The following NR6A1 variants were observed in gnomAD, a reference collection of about 807,000 sequenced individuals.
NR6A1 encodes the protein retinoic acid receptor-related testis-associated receptor.
In NR6A1, 7 loss-of-function variants were observed where a neutral mutation model predicts 59.1. That is an observed-to-expected ratio of 0.12 (90% CI 0.07 to 0.22). The LOEUF (loss-of-function observed/expected upper bound fraction) is 0.22, where lower values mean the gene tolerates loss of function less well. Among genes scored for constraint, NR6A1 ranks in the 10% least tolerant of loss-of-function variants. The pLI is 1.00. For missense variants in NR6A1, 468 were observed against 611.6 expected (o/e 0.77, Z 2.48); for synonymous variants, 243 against 236.1 (o/e 1.03, Z -0.27).
chr9:124,722,203 A>C (rs1839584008), intron 2 of NR6A1, among the ~76,000 whole-genome samples: 1 of 152,216 alleles, frequency 6.6e-6, no homozygotes, highest in African/African-American at 2.4e-5. Context: ...AGTATTACCA[A>C]GTCAAACTTA....
intron 2 of NR6A1, among the ~76,000 whole-genome samples, chr9:124,666,630 TA>T (rs1443024807): frequency 4.6e-5 from 7 of 152,214 alleles, no homozygotes; most frequent in African/African-American, 1.7e-4. Flanking sequence ...TTTCTCTGTA[TA>T]ATCCTCTATT....
rs1307472654 is a variant in NR6A1 at position 124,518,968 on chromosome 9, C to T, written c.*3737G>A. 1.3e-5 allele frequency: 2 copies of T among 152,178 alleles called. No homozygotes were observed. Among genetic ancestry groups the T allele is most frequent in the Non-Finnish European group, 2.9e-5 (2 of 68,040 alleles). The allele number at this position is 152,178 out of a possible 1,614,324, so 9.4% of individuals were successfully genotyped here. A position where few individuals can be genotyped will look rare whatever the true frequency, so the allele number is the denominator to read the frequency against. On this transcript the variant is annotated 3_prime_UTR_variant, in exon 10 of 10. Transcript: ENST00000487099. ...GCCAGGGTTCCCTTAATTCGACCAA[C>T]CTTGGACATGGCTTAGATGCTGCCC...
chr9:124,710,960 G>A (rs1839261975), intron 2 of NR6A1, among the ~76,000 whole-genome samples: 1 of 151,892 alleles, frequency 6.6e-6, no homozygotes, highest in Non-Finnish European at 1.5e-5. Context: ...TATAATGATA[G>A]GTATTACATT....
rs771689419 is a variant in NR6A1 at position 124,733,350 on chromosome 9, C to T, written c.101-1G>A. ...TCTGCCAATTCATCCTGACAGAAAC[C>T]TAAAGAGAAAACAATAGGAAAAAAA... On this transcript the variant is annotated splice_acceptor_variant, in intron 1 of 9. Coordinates refer to ENST00000487099, the MANE Select transcript of NR6A1 (RefSeq NM_033334.4). LOFTEE classifies it high-confidence loss of function. 57 of 1,611,816 alleles carry T rather than the reference C, an allele frequency of 3.5e-5. No individual in the cohort carries two copies. Among genetic ancestry groups the T allele is most frequent in the Non-Finnish European group, 4.4e-5 (52 of 1,178,318 alleles).
At chr9:124,753,011 A>T (rs1840548528) in intron 1 of NR6A1, among the ~76,000 whole-genome samples, 1 of 152,178 alleles carries the variant, frequency 6.6e-6, no homozygotes, top group Non-Finnish European at 1.5e-5. Flanking sequence ...TCAACTTCGA[A>T]CAAATTTCCT....
At chr9:124,529,308 A>G (rs1588639170) in intron 7 of NR6A1, among the ~76,000 whole-genome samples, 2 of 152,336 alleles carry the variant, frequency 1.3e-5, no homozygotes, top group African/African-American at 4.8e-5. Flanking sequence ...AAATTCACAG[A>G]ATGGATACAA....
chr9:124,715,090 C>T (rs1224942818), intron 2 of NR6A1, among the ~76,000 whole-genome samples: 2 of 151,614 alleles, frequency 1.3e-5, no homozygotes, highest in African/African-American at 2.4e-5. Flanking sequence ...CCCAGCTACT[C>T]GGGAGGCTGA....
intron 6 of NR6A1, among the ~76,000 whole-genome samples, chr9:124,536,737 C>T (rs1448238971): frequency 6.6e-6 from 1 of 152,014 alleles, no homozygotes; most frequent in Admixed American, 6.6e-5. Context: ...TCTAATGTTC[C>T]ATGTCTTAGA....
At chr9:124,611,819 AG>A (rs772680670) in intron 2 of NR6A1, among the ~76,000 whole-genome samples, 4 of 113,224 alleles carry the variant, frequency 3.5e-5, no homozygotes, top group Non-Finnish European at 7.7e-5. Flanking sequence ...CATTCAGAGC[AG>A]GTCAACACTG....
chr9:124,758,725 A>AGGC (rs1840706573), intron 1 of NR6A1, among the ~76,000 whole-genome samples: 1 of 152,234 alleles, frequency 6.6e-6, no homozygotes. Context: ...TAAAGCAGCC[A>AGGC]AGGGTTCTAA....
chr9:124,528,226 A>C (rs1832995278), intron 7 of NR6A1, among the ~76,000 whole-genome samples: 1 of 152,158 alleles, frequency 6.6e-6, no homozygotes, highest in Admixed American at 6.5e-5. Flanking sequence ...TTGCTTGGGG[A>C]AAGCCTGGCT....
At chr9:124,721,509 CAG>C (rs1839563121) in intron 2 of NR6A1, among the ~76,000 whole-genome samples, 2 of 152,108 alleles carry the variant, frequency 1.3e-5, no homozygotes, top group African/African-American at 4.8e-5. Flanking sequence ...AAATCACTAA[CAG>C]TGTTGCAGAG....
At chr9:124,702,410 G>C (rs1228206247) in intron 2 of NR6A1, among the ~76,000 whole-genome samples, 1 of 152,018 alleles carries the variant, frequency 6.6e-6, no homozygotes, top group African/African-American at 2.4e-5. Context: ...AAAATCAAAG[G>C]ACCACATACA....
At chr9:124,614,704 T>C (rs1835841580) in intron 2 of NR6A1, among the ~76,000 whole-genome samples, 1 of 152,194 alleles carries the variant, frequency 6.6e-6, no homozygotes, top group Admixed American at 6.5e-5. Flanking sequence ...GTAAATCAGC[T>C]TGGCACAAAA....
intron 2 of NR6A1, among the ~76,000 whole-genome samples, chr9:124,670,503 A>G (rs1208446273): frequency 6.7e-6 from 1 of 149,242 alleles, no homozygotes; most frequent in Non-Finnish European, 1.5e-5. Flanking sequence ...GAAAAGTCTT[A>G]GTATTAAATT....
At chr9:124,552,585 T>A (rs1293651181) in intron 3 of NR6A1, among the ~76,000 whole-genome samples, 2 of 152,234 alleles carry the variant, frequency 1.3e-5, no homozygotes, top group Non-Finnish European at 2.9e-5. Flanking sequence ...CGTGTCCGTA[T>A]TAAGCAGGTA....
intron 2 of NR6A1, among the ~76,000 whole-genome samples, chr9:124,730,116 T>C (rs1341570422): frequency 1.3e-5 from 2 of 151,982 alleles, no homozygotes; most frequent in East Asian, 3.9e-4. Flanking sequence ...CCTGGCCTAA[T>C]TATTTCTAGA....
intron 2 of NR6A1, among the ~76,000 whole-genome samples, chr9:124,658,244 TGCCAGTCCTGAATTACG>T (rs1371238471): frequency 6.6e-6 from 1 of 152,134 alleles, no homozygotes; most frequent in Non-Finnish European, 1.5e-5. Context: ...ACACTCAAAC[TGCCAGTCCTGAATTACG>T]GCCTCTGAAT....
intron 2 of NR6A1, among the ~76,000 whole-genome samples, chr9:124,574,238 CTA>C (rs753094915): frequency 7.2e-5 from 11 of 152,080 alleles, no homozygotes; most frequent in Non-Finnish European, 1.5e-4. Flanking sequence ...TGAATGGCAC[CTA>C]TATGTTTGTC....
Sources: allele counts gnomAD v4.1 joint callset (sites outside exome capture counted in the v4.1 genomes callset), GRCh38; gene constraint gnomAD v4.1.1; transcripts MANE v1.5; gene names NCBI Gene and HGNC (gene_info 2026-07-23, HGNC 2026-07-21).